The following NAV3 variants were observed in gnomAD, a reference collection of about 807,000 sequenced individuals.
The protein encoded by NAV3 is pore membrane and/or filament interacting like protein 1.
In NAV3, 87 loss-of-function variants were observed where a neutral mutation model predicts 244.7. That is an observed-to-expected ratio of 0.36 (90% CI 0.30 to 0.42). The LOEUF (loss-of-function observed/expected upper bound fraction) is 0.42, where lower values mean the gene tolerates loss of function less well. Ranked by LOEUF, NAV3 falls within the 20% of genes least tolerant of loss-of-function variation. The probability of loss-of-function intolerance (pLI) is 1.00; values close to 1 mark genes in which losing one functional copy is unlikely to be tolerated. For missense variants in NAV3, 2,663 were observed against 2,893.3 expected, an observed-to-expected ratio of 0.92 and a Z score of 1.83; for synonymous variants, 1,126 against 1,042.2, an observed-to-expected ratio of 1.08 and a Z score of -1.55.
exon 2 of NAV3, chr12:77,572,072 G>A (rs1012353847): frequency 1.3e-5 from 2 of 154,376 alleles, no homozygotes; most frequent in Non-Finnish European, 2.9e-5. Context: ...TGGAGTCGAT[G>A]AAGTTCGGAA....
At chr12:77,979,102 T>G (rs910765094) in intron 5 of NAV3, among the ~76,000 whole-genome samples, 4 of 151,500 alleles carry the variant, frequency 2.6e-5, no homozygotes, top group Non-Finnish European at 5.9e-5. Flanking sequence ...TGTCTGGGCA[T>G]GATAGCTCAT....
intron 12 of NAV3, among the ~76,000 whole-genome samples, chr12:78,089,177 A>C (rs994147039): frequency 3.3e-5 from 5 of 151,842 alleles, no homozygotes; most frequent in Admixed American, 6.6e-5. Context: ...CCCTTTTCCC[A>C]AAAAAAAGTC....
chr12:77,775,032 T>G (rs1245751568), intron 2 of NAV3, among the ~76,000 whole-genome samples: 2 of 152,148 alleles, frequency 1.3e-5, no homozygotes, highest in Non-Finnish European at 2.9e-5. Flanking sequence ...ATAAAATAAG[T>G]AGGCATGGAC....
Position 78,210,593 on chromosome 12 carries a change from C to A in NAV3, c.*76C>A. ...AAAGAAAGGTATTTTCACTAAACCA[C>A]TGCCAGTATAAAAGCACCCTGTCAA... On this transcript the variant is annotated 3_prime_UTR_variant, in exon 40 of 40. Transcript: ENST00000397909. 6.5e-7 allele frequency: 1 copy of A among 1,539,564 alleles called. No individual in the cohort carries two copies. The highest frequency in any genetic ancestry group is 1.8e-4 in the Middle Eastern group (1 of 5,440).
At chr12:77,695,407 G>C (rs1452504211) in intron 2 of NAV3, among the ~76,000 whole-genome samples, 2 of 152,098 alleles carry the variant, frequency 1.3e-5, no homozygotes, top group South Asian at 2.1e-4. Flanking sequence ...TGAAGAGACT[G>C]TCTTTTCCCC....
intron 2 of NAV3, among the ~76,000 whole-genome samples, chr12:77,614,309 C>A (rs1002147829): frequency 6.6e-6 from 1 of 151,870 alleles, no homozygotes; most frequent in Non-Finnish European, 1.5e-5. Context: ...ATAATCACTG[C>A]TCTTTAAGGA....
At chr12:77,585,781 C>CT (rs1369488049) in intron 2 of NAV3, among the ~76,000 whole-genome samples, 1 of 152,204 alleles carries the variant, frequency 6.6e-6, no homozygotes, top group African/African-American at 2.4e-5. Context: ...CTGGTCCAGC[C>CT]TGGGGGTTGG....
intron 2 of NAV3, among the ~76,000 whole-genome samples, chr12:77,625,622 C>A (rs1341324378): frequency 6.6e-6 from 1 of 152,190 alleles, no homozygotes; most frequent in South Asian, 2.1e-4. Flanking sequence ...CCCAGCAAAG[C>A]CTCGTCACAG....
At chr12:77,980,729 C>T (rs1456453016) in intron 5 of NAV3, among the ~76,000 whole-genome samples, 1 of 152,140 alleles carries the variant, frequency 6.6e-6, no homozygotes, top group Non-Finnish European at 1.5e-5. Context: ...CACAGAACAG[C>T]ATTGTAGCGT....
chr12:77,781,619 C>T (rs1392682077), intron 2 of NAV3, among the ~76,000 whole-genome samples: 4 of 152,044 alleles, frequency 2.6e-5, no homozygotes, highest in Admixed American at 6.6e-5. Flanking sequence ...AAGATGTACC[C>T]GACCACCTTG....
At chr12:77,761,518 A>C (rs1225544669) in intron 2 of NAV3, among the ~76,000 whole-genome samples, 3 of 152,238 alleles carry the variant, frequency 2.0e-5, no homozygotes, top group Non-Finnish European at 4.4e-5. Flanking sequence ...AAATTTTCGC[A>C]ATCTATCCAT....
chr12:78,116,132 T>A (rs1955365276), intron 12 of NAV3, among the ~76,000 whole-genome samples: 2 of 152,164 alleles, frequency 1.3e-5, no homozygotes, highest in Admixed American at 1.3e-4. Flanking sequence ...AGTGACTCCA[T>A]GTTAGCAGAT....
intron 9 of NAV3, among the ~76,000 whole-genome samples, chr12:78,028,029 T>C (rs1447933011): frequency 6.6e-6 from 1 of 152,064 alleles, no homozygotes; most frequent in African/African-American, 2.4e-5. Context: ...GTGGTGTAAG[T>C]GGGAAACATC....
At chr12:78,179,744 T>G in intron 29 of NAV3, 62 bp downstream of exon 29, 1 of 1,532,898 alleles carries the variant, frequency 6.5e-7, no homozygotes, top group African/African-American at 1.4e-5. Context: ...GCTTATTCTG[T>G]TCTCTTGGTT....
intron 2 of NAV3, among the ~76,000 whole-genome samples, chr12:77,738,793 G>A (rs542763845): frequency 1.1e-4 from 16 of 152,062 alleles, no homozygotes; most frequent in Non-Finnish European, 2.1e-4. Context: ...GGCGGATCAC[G>A]AGGTCAGGAG....
chr12:78,185,671 C>T lies in NAV3; in HGVS notation c.5763C>T (p.Ser1921=), dbSNP rs1958682134. 6.2e-7 allele frequency: 1 copy of T among 1,608,148 alleles called. No homozygotes were observed. The highest frequency in any genetic ancestry group is 1.7e-5 in the Admixed American group (1 of 59,750). The part of the protein sequence containing the change: ...KDGRSVKIIV[S]ISKGYGRAKD... ...GCCGCAGTGTGAAAATTATAGTCTC[C>T]ATAAGCAAGGGCTATGGTCGAGCAA... Residue 1921 remains serine, a synonymous_variant, in exon 31 of 40, where the codon TCC becomes TCT. Coordinates refer to ENST00000397909, the MANE Select transcript of NAV3 (RefSeq NM_001024383.2).
rs200805412 is a variant in NAV3, at chr12:78,023,579, C to T, written c.2023+1717C>T. On this transcript the variant is annotated intron_variant, in intron 9 of 39. Transcript: ENST00000397909. ...TACAGTGAGACTTGTCTAATTATGT[C>T]AATCTCACTATCATCTGTTTAAATG... Among the ~76,000 whole-genome samples, 8 of 152,216 alleles carry T rather than the reference C, an allele frequency of 5.3e-5. No individual in the cohort carries two copies. In the East Asian group the frequency reaches 1.5e-3, roughly 29 times the overall value.
intron 3 of NAV3, among the ~76,000 whole-genome samples, chr12:77,960,568 T>C (rs1463362399): frequency 6.7e-6 from 1 of 149,054 alleles, no homozygotes; most frequent in South Asian, 2.1e-4. Context: ...TAATAACACA[T>C]AGCATATATT....
chr12:77,833,996 C>T (rs1677020097), intron 1 of NAV3, among the ~76,000 whole-genome samples: 1 of 151,564 alleles, frequency 6.6e-6, no homozygotes, highest in Admixed American at 6.6e-5. Flanking sequence ...TTCCTTTCGA[C>T]GTCCAGCCGC....
Sources: gnomAD v4.1 joint callset for allele counts (sites outside exome capture counted in the v4.1 genomes callset) on GRCh38, gnomAD v4.1.1 for gene constraint, MANE v1.5 for transcripts, NCBI Gene and HGNC (gene_info 2026-07-23, HGNC 2026-07-21) for gene names.